PSD3: variants seen among roughly 807,000 people sequenced by gnomAD.
PSD3 encodes PH and SEC7 domain-containing protein 3.
Under a neutral mutation model 105.5 loss-of-function variants are expected in PSD3, and 49 were observed. The observed-to-expected ratio is 0.46, with a 90% CI of 0.37 to 0.59. The LOEUF (loss-of-function observed/expected upper bound fraction) is 0.59, where lower values mean the gene tolerates loss of function less well. Among genes scored for constraint, PSD3 ranks in the 20% least tolerant of loss-of-function variants. The pLI is 0.00. For synonymous variants in PSD3, 557 were observed against 457.8 expected, an observed-to-expected ratio of 1.22 and a Z score of -2.77; for missense variants, 1,561 against 1,263.8, an observed-to-expected ratio of 1.24 and a Z score of -3.57.
intron 2 of PSD3, among the ~76,000 whole-genome samples, chr8:18,922,649 G>C (rs112953295): frequency 1.6e-4 from 24 of 152,284 alleles, no homozygotes; most frequent in African/African-American, 5.5e-4. Context: ...CAGTCTCCAA[G>C]ACTGCCCCTT....
intron 1 of PSD3, among the ~76,000 whole-genome samples, chr8:19,061,099 T>C (rs74487059): frequency 0.015 from 2,333 of 152,248 alleles, 78 homozygotes; most frequent in African/African-American, 0.053. Context: ...CAGCATCTGC[T>C]TGTGCCTCAT....
intron 1 of PSD3, among the ~76,000 whole-genome samples, chr8:19,073,728 T>C (rs1010262669): frequency 2.0e-5 from 3 of 152,118 alleles, no homozygotes; most frequent in African/African-American, 7.2e-5. Flanking sequence ...GGTCACAGCC[T>C]GCTTATTCTC....
At chr8:18,985,191 C>A (rs1356143726) in intron 1 of PSD3, among the ~76,000 whole-genome samples, 5 of 152,212 alleles carry the variant, frequency 3.3e-5, no homozygotes, top group Non-Finnish European at 7.3e-5. Flanking sequence ...GCCTTGACCT[C>A]CCAAAGTGCT....
At chr8:18,653,040 G>T (rs1469275448) in intron 10 of PSD3, among the ~76,000 whole-genome samples, 1 of 152,136 alleles carries the variant, frequency 6.6e-6, no homozygotes, top group Non-Finnish European at 1.5e-5. Flanking sequence ...TGATTGAACA[G>T]GATGATAACA....
chr8:18,899,369 A>G (rs1819353789), intron 2 of PSD3, among the ~76,000 whole-genome samples: 1 of 152,156 alleles, frequency 6.6e-6, no homozygotes. Flanking sequence ...ACATCTGGAT[A>G]AAGTTTTCTC....
chr8:18,529,186 G>GCCTT lies in PSD3; in HGVS notation c.*6553_*6556dup, dbSNP rs1295132867. On this transcript the variant is annotated 3_prime_UTR_variant, in exon 16 of 16. Transcript: ENST00000327040. The stretch of plus-strand genomic sequence containing the variant: ...GCTGCTGCTTGTGAATTACAAGAAA[G>GCCTT]CCTTCAATTTGGTGGTCCACAAGAA... 6.6e-6 allele frequency: 1 copy of GCCTT among 152,200 alleles called. No individual in the cohort carries two copies. The highest frequency in any genetic ancestry group is 1.9e-4 in the East Asian group (1 of 5,192). The allele number at this position is 152,200 out of a possible 1,614,324, so 9.4% of individuals were successfully genotyped here.
intron 10 of PSD3, among the ~76,000 whole-genome samples, chr8:18,640,754 G>A (rs1807586902): frequency 6.6e-6 from 1 of 152,170 alleles, no homozygotes; most frequent in Non-Finnish European, 1.5e-5. Flanking sequence ...GCAGAAGAAA[G>A]CCCTGTTCTT....
chr8:19,065,572 A>G (rs1434037528), intron 1 of PSD3, among the ~76,000 whole-genome samples: 1 of 152,160 alleles, frequency 6.6e-6, no homozygotes, highest in Non-Finnish European at 1.5e-5. Context: ...CAGTTCACAG[A>G]ATTCAGGGAA....
At chr8:19,017,725 A>G (rs1265068269), upstream of PSD3, among the ~76,000 whole-genome samples, 4 of 152,210 alleles carry the variant, frequency 2.6e-5, no homozygotes, top group African/African-American at 9.6e-5. Context: ...TCCATATTGT[A>G]GCATATATCA....
chr8:18,660,045 C>G (rs1015180093), intron 9 of PSD3, among the ~76,000 whole-genome samples: 8 of 152,102 alleles, frequency 5.3e-5, no homozygotes. Flanking sequence ...AATGGCACCC[C>G]TAATGTCCAG....
chr8:18,684,076 C>T, intron 9 of PSD3: 1 of 592,480 alleles, frequency 1.7e-6, no homozygotes, highest in Non-Finnish European at 3.0e-6. Context: ...TAAGAAGCAC[C>T]AGGCTGCCTC....
rs17596048 is a variant in PSD3 at position 18,562,520 on chromosome 8, G to C, written c.2785-6168C>G. On this transcript the variant is annotated intron_variant, in intron 14 of 15. Coordinates refer to ENST00000327040, the MANE Select transcript of PSD3 (RefSeq NM_015310.4). Reference sequence around the variant, plus strand: ...CTCTTGGTAAACTCCACTGCTGCCGGGTCTCCTCTGCTATAGCTCTCAAAC... The same window carrying C: ...CTCTTGGTAAACTCCACTGCTGCCGCGTCTCCTCTGCTATAGCTCTCAAAC... 9.0e-3 allele frequency among the ~76,000 whole-genome samples: 1,369 copies of C among 152,214 alleles called. 12 individuals carry two copies. The highest frequency in any genetic ancestry group is 0.033 in the South Asian group (157 of 4,816).
intron 8 of PSD3, among the ~76,000 whole-genome samples, chr8:18,781,930 T>A (rs1322512758): frequency 6.6e-6 from 1 of 152,112 alleles, no homozygotes; most frequent in African/African-American, 2.4e-5. Flanking sequence ...AAAAGACCTG[T>A]CTTCAAGTTT....
intron 9 of PSD3, among the ~76,000 whole-genome samples, chr8:18,667,293 A>G (rs1248529175): frequency 6.6e-6 from 1 of 152,146 alleles, no homozygotes; most frequent in Non-Finnish European, 1.5e-5. Flanking sequence ...GCTAGACACA[A>G]AACTTCTCCA....
chr8:18,537,555 G>C (rs985964205), intron 15 of PSD3, among the ~76,000 whole-genome samples: 1 of 152,094 alleles, frequency 6.6e-6, no homozygotes, highest in Non-Finnish European at 1.5e-5. Context: ...AGCTAAGTTG[G>C]GCCATGTGAT....
chr8:19,033,720 G>T (rs576851160), intron 1 of PSD3, among the ~76,000 whole-genome samples: 1 of 151,910 alleles, frequency 6.6e-6, no homozygotes, highest in Non-Finnish European at 1.5e-5. Flanking sequence ...AGTGATAGCA[G>T]CACTCCCAGG....
At chr8:18,607,982 G>C (rs1449569171) in intron 11 of PSD3, among the ~76,000 whole-genome samples, 1 of 152,176 alleles carries the variant, frequency 6.6e-6, no homozygotes, top group Non-Finnish European at 1.5e-5. Flanking sequence ...AACAGCATGA[G>C]AGTAATGGCC....
At chr8:18,735,100 A>G (rs1195766470) in intron 9 of PSD3, among the ~76,000 whole-genome samples, 1 of 152,168 alleles carries the variant, frequency 6.6e-6, no homozygotes, top group Non-Finnish European at 1.5e-5. Context: ...GGGTCTGTTG[A>G]TTAATCCTAC....
At chr8:18,738,233 G>A (rs1282972480) in intron 9 of PSD3, among the ~76,000 whole-genome samples, 1 of 152,084 alleles carries the variant, frequency 6.6e-6, no homozygotes, top group Non-Finnish European at 1.5e-5. Flanking sequence ...CTCCTGGCAG[G>A]TGGGAAAACC....
Sources: allele counts gnomAD v4.1 joint callset (sites outside exome capture counted in the v4.1 genomes callset), GRCh38; gene constraint gnomAD v4.1.1; transcripts MANE v1.5; gene names NCBI Gene and HGNC (gene_info 2026-07-23, HGNC 2026-07-21).